KCNQ3: variants seen among roughly 807,000 people sequenced by gnomAD.
KCNQ3 encodes potassium voltage-gated channel subfamily Q member 3.
A neutral mutation model predicts 92.5 loss-of-function variants in KCNQ3; 30 were observed. That is an observed-to-expected ratio of 0.32 (90% CI 0.24 to 0.44). KCNQ3 has a LOEUF of 0.44. KCNQ3 is among the 20% of genes least tolerant of loss of function. The pLI, the probability that KCNQ3 is intolerant of heterozygous loss-of-function variation, is 1.00. For missense variants in KCNQ3, 913 were observed against 1,140.3 expected, an observed-to-expected ratio of 0.80 and a Z score of 2.87; for synonymous variants, 450 against 468.8, an observed-to-expected ratio of 0.96 and a Z score of 0.52.
chr8:132,173,442 A>G (rs1319574477), intron 6 of KCNQ3, among the ~76,000 whole-genome samples: 1 of 152,234 alleles, frequency 6.6e-6, no homozygotes, highest in Non-Finnish European at 1.5e-5. Flanking sequence ...ATTGTTACTT[A>G]AAAGTTTTTT....
chr8:132,250,121 T>C (rs901500141), intron 1 of KCNQ3, among the ~76,000 whole-genome samples: 53 of 152,278 alleles, frequency 3.5e-4, no homozygotes, highest in Admixed American at 3.3e-3. Context: ...AGTGGCAGGC[T>C]GAAGGTCTCC....
chr8:132,179,320 C>T (rs1406505128), intron 4 of KCNQ3, among the ~76,000 whole-genome samples: 1 of 151,992 alleles, frequency 6.6e-6, no homozygotes, highest in African/African-American at 2.4e-5. Context: ...AGTTCCATCC[C>T]TCCTGGATTC....
chr8:132,369,224 G>T (rs1286513782), intron 1 of KCNQ3, among the ~76,000 whole-genome samples: 2 of 151,948 alleles, frequency 1.3e-5, no homozygotes, highest in African/African-American at 4.8e-5. Context: ...CACCTGGCTG[G>T]GGTTGTGTTT....
intron 1 of KCNQ3, among the ~76,000 whole-genome samples, chr8:132,199,890 A>G (rs1827407500): frequency 2.0e-5 from 3 of 150,238 alleles, no homozygotes; most frequent in Admixed American, 2.0e-4. Context: ...AGCCTGGGTG[A>G]CAGAGCAAGA....
rs547843131 is a variant in KCNQ3 at position 132,411,609 on chromosome 8, G to A, written c.386+68538C>T. On this transcript the variant is annotated intron_variant, in intron 1 of 14. Coordinates refer to ENST00000388996, the MANE Select transcript of KCNQ3 (RefSeq NM_004519.4). ...TCAGCAGCTCTGAATATCTGCTAGGGCTAGAGAAAAACAAACTGGCATATC... is the reference window on the plus strand; with the variant it reads ...TCAGCAGCTCTGAATATCTGCTAGGACTAGAGAAAAACAAACTGGCATATC... Among the ~76,000 whole-genome samples, 5 of 152,144 alleles carry A rather than the reference G, an allele frequency of 3.3e-5. No individual in the cohort carries two copies. The East Asian group carries it at 7.7e-4, about 24-fold the overall frequency.
chr8:132,138,965 C>T (rs1454942712), intron 11 of KCNQ3, among the ~76,000 whole-genome samples: 1 of 152,204 alleles, frequency 6.6e-6, no homozygotes, highest in Non-Finnish European at 1.5e-5. Flanking sequence ...CTAAGGCTCA[C>T]AGGCCAACTC....
chr8:132,248,092 C>G (rs770340032), intron 1 of KCNQ3, among the ~76,000 whole-genome samples: 6 of 152,100 alleles, frequency 3.9e-5, no homozygotes, highest in Non-Finnish European at 7.4e-5. Flanking sequence ...ACAGCCTGTT[C>G]TATTAACTGC....
At chr8:132,441,838 A>G (rs903603534) in intron 1 of KCNQ3, among the ~76,000 whole-genome samples, 12 of 152,328 alleles carry the variant, frequency 7.9e-5, no homozygotes, top group African/African-American at 2.6e-4. Context: ...ATATCCGTCA[A>G]TGATAGACTG....
At chr8:132,163,595 A>C in intron 8 of KCNQ3, 101 bp from the exon 9 acceptor site, 3 of 1,003,626 alleles carry the variant, frequency 3.0e-6, no homozygotes, top group South Asian at 2.7e-5. Context: ...AAGATGATGG[A>C]GCAGAGTTGA....
At chr8:132,174,525 A>G (rs1826483340) in intron 5 of KCNQ3, among the ~76,000 whole-genome samples, 176 bp from the exon 6 acceptor site, 1 of 152,198 alleles carries the variant, frequency 6.6e-6, no homozygotes, top group Non-Finnish European at 1.5e-5. Context: ...ATGCCTTGAG[A>G]CTTGTTGATA....
intron 1 of KCNQ3, among the ~76,000 whole-genome samples, chr8:132,249,336 T>C (rs1052875063): frequency 6.6e-6 from 1 of 152,100 alleles, no homozygotes; most frequent in Non-Finnish European, 1.5e-5. Flanking sequence ...AGCTGATTGG[T>C]TCGTTTTGAC....
At chr8:132,387,947 A>AAGAAGG (rs1469578619) in intron 1 of KCNQ3, among the ~76,000 whole-genome samples, 1 of 151,794 alleles carries the variant, frequency 6.6e-6, no homozygotes, top group Non-Finnish European at 1.5e-5. Flanking sequence ...CCCTGTGAAG[A>AAGAAGG]AGAAGGAGAA....
chr8:132,288,559 A>G (rs1816745367), intron 1 of KCNQ3, among the ~76,000 whole-genome samples: 1 of 152,032 alleles, frequency 6.6e-6, no homozygotes, highest in Non-Finnish European at 1.5e-5. Flanking sequence ...CGGAGCTACA[A>G]ATTCATCAAG....
chr8:132,427,182 G>A (rs1234343366), intron 1 of KCNQ3, among the ~76,000 whole-genome samples: 2 of 152,216 alleles, frequency 1.3e-5, no homozygotes, highest in Non-Finnish European at 2.9e-5. Flanking sequence ...TGTCTGCCAT[G>A]GGCAGGGGTG....
chr8:132,122,995 A>G lies in KCNQ3; in HGVS notation c.*6267T>C, dbSNP rs548690680. 2 of 152,290 alleles carry G rather than the reference A, an allele frequency of 1.3e-5. No homozygotes were observed. The highest frequency in any genetic ancestry group is 3.9e-4 in the East Asian group (2 of 5,172). 9.4% of individuals were successfully genotyped at this position (152,290 alleles called of 1,614,324 possible). On this transcript the variant is annotated 3_prime_UTR_variant, in exon 15 of 15. Transcript: ENST00000388996. Reference sequence around the variant, plus strand: ...CCTGACAACATGGGGATTCTCTGGGACAAGGCAAGAGGACCCAAGCTGTGT... The same window carrying G: ...CCTGACAACATGGGGATTCTCTGGGGCAAGGCAAGAGGACCCAAGCTGTGT...
At chr8:132,213,357 C>T (rs910061059) in intron 1 of KCNQ3, among the ~76,000 whole-genome samples, 1 of 152,172 alleles carries the variant, frequency 6.6e-6, no homozygotes, top group Non-Finnish European at 1.5e-5. Flanking sequence ...AATTGCTTCC[C>T]CTTTCTTTAC....
intron 1 of KCNQ3, among the ~76,000 whole-genome samples, chr8:132,189,369 T>C (rs201338979): frequency 1.3e-5 from 2 of 152,196 alleles, no homozygotes; most frequent in Admixed American, 1.3e-4. Flanking sequence ...TGTAATTGTT[T>C]GCGCACATCA....
At chr8:132,145,010 A>C (rs953393228) in intron 9 of KCNQ3, among the ~76,000 whole-genome samples, 3 of 152,212 alleles carry the variant, frequency 2.0e-5, no homozygotes, top group African/African-American at 7.2e-5. Flanking sequence ...ACCCCCAGCC[A>C]GGGCACATTT....
intron 1 of KCNQ3, among the ~76,000 whole-genome samples, chr8:132,221,827 A>G (rs899474614): frequency 2.4e-4 from 36 of 152,190 alleles, no homozygotes; most frequent in African/African-American, 8.4e-4. Flanking sequence ...AGGATCCCCT[A>G]TTTAATAAAC....
Sources: gnomAD v4.1 joint callset for allele counts (sites outside exome capture counted in the v4.1 genomes callset) on GRCh38, gnomAD v4.1.1 for gene constraint, MANE v1.5 for transcripts, NCBI Gene and HGNC (gene_info 2026-07-23, HGNC 2026-07-21) for gene names.